MEIS2: variants seen among roughly 807,000 people sequenced by gnomAD.
The protein encoded by MEIS2 is Meis homeobox 2, also known as homeobox protein Meis2.
MEIS2 carries 9 observed loss-of-function variants against 58.6 expected under a neutral mutation model. The ratio of observed to expected loss-of-function variants is 0.15; its 90% confidence interval spans 0.09 to 0.27. MEIS2 has a LOEUF of 0.27. Ranked by LOEUF, MEIS2 falls within the 10% of genes least tolerant of loss-of-function variation. The pLI, the probability that MEIS2 is intolerant of heterozygous loss-of-function variation, is 1.00. For missense variants in MEIS2, 427 were observed against 635.0 expected (o/e 0.67, Z 3.52); for synonymous variants, 221 against 228.4 (o/e 0.97, Z 0.29).
chr15:36,962,994 T>C (rs2059237384), intron 8 of MEIS2, among the ~76,000 whole-genome samples: 1 of 152,126 alleles, frequency 6.6e-6, no homozygotes, highest in South Asian at 2.1e-4. Context: ...TAGCAAGAGA[T>C]TAATAGGAGG....
chr15:36,938,962 G>T (rs1246462377), intron 9 of MEIS2, among the ~76,000 whole-genome samples: 1 of 152,122 alleles, frequency 6.6e-6, no homozygotes, highest in African/African-American at 2.4e-5. Context: ...GCAGCTCTGT[G>T]GACAGGGGTG....
At chr15:37,028,010 CA>C (rs1187187942) in intron 8 of MEIS2, among the ~76,000 whole-genome samples, 2 of 152,114 alleles carry the variant, frequency 1.3e-5, no homozygotes, top group Non-Finnish European at 1.5e-5. Flanking sequence ...TGGGTTTGGA[CA>C]AATGTATAAT....
rs560964125 is a variant in MEIS2, at chr15:36,981,079, C to A, written c.901-30679G>T. Among the ~76,000 whole-genome samples, 3 of 147,580 alleles carry A rather than the reference C, an allele frequency of 2.0e-5. No homozygotes were observed. The East Asian group carries it at 6.1e-4, about 30-fold the overall frequency. ...AGATTGAGAAAAATTGTAATCTTTA[C>A]AATATAGCCCTTCATTTTTTTCAAG... On this transcript the variant is annotated intron_variant, in intron 8 of 11. Transcript: ENST00000561208.
chr15:37,084,302 T>C (rs1411484458), intron 6 of MEIS2, among the ~76,000 whole-genome samples: 1 of 152,154 alleles, frequency 6.6e-6, no homozygotes, highest in Admixed American at 6.5e-5. Context: ...GGACACTCAA[T>C]ACTTCAGAAC....
intron 8 of MEIS2, among the ~76,000 whole-genome samples, chr15:37,031,815 TTG>T (rs66770353): frequency 0.17 from 23,262 of 133,890 alleles, 1,740 homozygotes; most frequent in Non-Finnish European, 0.19. Flanking sequence ...TTACATCACT[TTG>T]TGTGTGTGTG....
At chr15:37,098,766 C>T in intron 1 of MEIS2, 1 of 440,836 alleles carries the variant, frequency 2.3e-6, no homozygotes, top group Non-Finnish European at 3.0e-6. Flanking sequence ...AATCAAAAGG[C>T]GAAATGAAAC....
At chr15:36,914,510 T>G (rs2057182888) in intron 9 of MEIS2, among the ~76,000 whole-genome samples, 1 of 152,146 alleles carries the variant, frequency 6.6e-6, no homozygotes, top group South Asian at 2.1e-4. Context: ...AGTTTCTGAG[T>G]TTCCCATTTG....
rs771901748 is a variant in MEIS2, at chr15:37,036,987, G to C, written c.755-28C>G. 9 of 1,580,686 alleles carry C rather than the reference G, an allele frequency of 5.7e-6. No homozygotes were observed. In the Admixed American group the frequency reaches 1.7e-4, roughly 29 times the overall value. The stretch of plus-strand genomic sequence containing the variant: ...AGTAGAAAGAAATAAAAATACATTA[G>C]AGAAAACATCGCAAGGTGCCAACAA... On this transcript the variant is annotated intron_variant, in intron 7 of 11. Coordinates refer to ENST00000561208, the MANE Select transcript of MEIS2 (RefSeq NM_170675.5).
At chr15:36,894,707 C>T in intron 11 of MEIS2, 1 of 1,592,418 alleles carries the variant, frequency 6.3e-7, no homozygotes, top group Middle Eastern at 1.7e-4. Context: ...TCGCACCCGA[C>T]TGTACTTACT....
Position 36,904,786 on chromosome 15 carries a change from C to T in MEIS2, c.978-8100G>A, listed in dbSNP as rs112966896. ...TGCTATAATGTTGATTTCATTACCA[C>T]TGATTTATATTGACATGACTTTCCC... On this transcript the variant is annotated intron_variant, in intron 9 of 11. Coordinates refer to ENST00000561208, the MANE Select transcript of MEIS2 (RefSeq NM_170675.5). Among the ~76,000 whole-genome samples the T allele has an allele frequency of 3.3e-3, 505 of 152,220 alleles. 3 individuals are homozygous for T. Among genetic ancestry groups the T allele is most frequent in the Middle Eastern group, 0.01 (3 of 292 alleles).
intron 8 of MEIS2, among the ~76,000 whole-genome samples, chr15:37,008,835 C>A: frequency 6.6e-6 from 1 of 152,130 alleles, no homozygotes; most frequent in Middle Eastern, 3.2e-3. Flanking sequence ...ACATTTTGTG[C>A]TGCACATATT....
At chr15:36,982,066 A>G (rs558636473) in intron 8 of MEIS2, among the ~76,000 whole-genome samples, 6 of 152,018 alleles carry the variant, frequency 3.9e-5, no homozygotes, top group Non-Finnish European at 7.4e-5. Context: ...TGTTTCTCCA[A>G]CTTGCAGATG....
intron 9 of MEIS2, among the ~76,000 whole-genome samples, chr15:36,925,321 G>T (rs1425519010): frequency 6.6e-6 from 1 of 152,178 alleles, no homozygotes; most frequent in Non-Finnish European, 1.5e-5. Flanking sequence ...TCCTTACGAA[G>T]AGATAAAGTA....
chr15:36,900,983 G>GGC (rs937834936), intron 9 of MEIS2: 2 of 152,148 alleles, frequency 1.3e-5, no homozygotes, highest in African/African-American at 4.8e-5. Context: ...AGAAAGTGCA[G>GGC]GCCTCCATGG....
intron 7 of MEIS2, among the ~76,000 whole-genome samples, chr15:37,046,759 C>A (rs1841447321): frequency 6.6e-6 from 1 of 152,008 alleles, no homozygotes; most frequent in South Asian, 2.1e-4. Context: ...CAGTCTAATC[C>A]TTTATAGCAG....
At chr15:36,894,929 GA>G in intron 11 of MEIS2, 1 of 1,025,192 alleles carries the variant, frequency 9.8e-7, no homozygotes. Flanking sequence ...AAAGAAAAAA[GA>G]AAAAGGATGT....
Position 36,955,293 on chromosome 15 carries a change from C to A in MEIS2, c.901-4893G>T, listed in dbSNP as rs1231777180. ...GGACAATCACCTTTCCACTAAATTCCCATAGCAATTTACTTGGTATTCATA... is the reference window on the plus strand; with the variant it reads ...GGACAATCACCTTTCCACTAAATTCACATAGCAATTTACTTGGTATTCATA... On this transcript the variant is annotated intron_variant, in intron 8 of 11. Coordinates refer to ENST00000561208, the MANE Select transcript of MEIS2 (RefSeq NM_170675.5). Among the ~76,000 whole-genome samples the A allele has an allele frequency of 2.0e-5, 3 of 152,218 alleles. No homozygotes were observed. The East Asian group carries it at 5.8e-4, about 29-fold the overall frequency.
intron 8 of MEIS2, among the ~76,000 whole-genome samples, chr15:37,029,060 A>G (rs1373689751): frequency 6.6e-6 from 1 of 152,216 alleles, no homozygotes; most frequent in African/African-American, 2.4e-5. Context: ...ATTTCCTGAA[A>G]TTAAACAGAG....
chr15:37,076,862 T>C (rs1392998028), intron 7 of MEIS2, among the ~76,000 whole-genome samples: 4 of 152,114 alleles, frequency 2.6e-5, no homozygotes, highest in Non-Finnish European at 5.9e-5. Flanking sequence ...ATTCACAGCA[T>C]TGTTATAAAT....
Sources: gnomAD v4.1 joint callset for allele counts (sites outside exome capture counted in the v4.1 genomes callset) on GRCh38, gnomAD v4.1.1 for gene constraint, MANE v1.5 for transcripts, NCBI Gene and HGNC (gene_info 2026-07-23, HGNC 2026-07-21) for gene names.